The following CELF2 variants were observed in gnomAD, a reference collection of about 807,000 sequenced individuals.
CELF2 encodes the protein CUGBP Elav-like family member 2, also known as CUG triplet repeat RNA-binding protein 2.
CELF2 carries 8 observed loss-of-function variants against 62.6 expected under a neutral mutation model. The ratio of observed to expected loss-of-function variants is 0.13; its 90% confidence interval spans 0.07 to 0.23. CELF2 has a LOEUF of 0.23. CELF2 is among the 10% of genes least tolerant of loss of function. CELF2 has a pLI of 1.00. For synonymous variants in CELF2, 258 were observed against 250.0 expected (o/e 1.03, Z -0.30); for missense variants, 333 against 671.0 (o/e 0.50, Z 5.56).
chr10:11,265,615 G>A (rs1565641920), intron 5 of CELF2, among the ~76,000 whole-genome samples: 1 of 152,246 alleles, frequency 6.6e-6, no homozygotes, highest in Non-Finnish European at 1.5e-5. Context: ...TGAATAAAAT[G>A]TAAATTTGAG....
At chr10:11,106,398 G>A (rs145791648) in intron 1 of CELF2, among the ~76,000 whole-genome samples, 302 of 152,126 alleles carry the variant, frequency 2.0e-3, no homozygotes, top group African/African-American at 6.6e-3. Context: ...CACCGTGCCC[G>A]GCTAATTGTT....
At chr10:11,118,609 T>C (rs2057072530) in intron 1 of CELF2, among the ~76,000 whole-genome samples, 1 of 152,188 alleles carries the variant, frequency 6.6e-6, no homozygotes, top group South Asian at 2.1e-4. Flanking sequence ...CGTAAGGTCA[T>C]AGCTAGTCAG....
At chr10:11,197,127 G>A (rs191925033) in intron 2 of CELF2, among the ~76,000 whole-genome samples, 9 of 152,136 alleles carry the variant, frequency 5.9e-5, no homozygotes, top group Admixed American at 5.9e-4. Context: ...TTCATTGTCT[G>A]CGTTGGTTGA....
Position 11,246,812 on chromosome 10 carries a change from A to G in CELF2, c.355-2341A>G, listed in dbSNP as rs559699743. Reference sequence around the variant, plus strand: ...ATACCTGTGGCTTCACTGTCACGCTAAGGAACATTCTCTGTGGCCCTGGCC... The same window carrying G: ...ATACCTGTGGCTTCACTGTCACGCTGAGGAACATTCTCTGTGGCCCTGGCC... On this transcript the variant is annotated intron_variant, in intron 3 of 12. Coordinates refer to ENST00000633077, the MANE Select transcript of CELF2 (RefSeq NM_001326342.2). This position sits in a 1 kb window ranked among gnomAD's most constrained non-coding sequence, Gnocchi z 4.6. Among the ~76,000 whole-genome samples the G allele has an allele frequency of 1.3e-5, 2 of 152,282 alleles. No homozygotes were observed. The highest frequency in any genetic ancestry group is 3.9e-4 in the East Asian group (2 of 5,180).
chr10:11,160,240 A>G (rs1208922466), intron 1 of CELF2, among the ~76,000 whole-genome samples: 1 of 152,242 alleles, frequency 6.6e-6, no homozygotes, highest in Non-Finnish European at 1.5e-5. Flanking sequence ...CAAGTGAGGA[A>G]ACTGAGGCGC....
chr10:10,513,868 G>A, the CELF2 span, among the ~76,000 whole-genome samples: 1 of 152,122 alleles, frequency 6.6e-6, no homozygotes, highest in Non-Finnish European at 1.5e-5. Flanking sequence ...TCTAAGCAAA[G>A]CCTAGGTTTC....
intron 1 of CELF2, among the ~76,000 whole-genome samples, chr10:11,125,964 G>A (rs556064643): frequency 1.9e-4 from 29 of 152,236 alleles, no homozygotes; most frequent in African/African-American, 5.3e-4. Flanking sequence ...GTCAACACAC[G>A]CTTATAATTT....
chr10:10,569,612 T>C, the CELF2 span, among the ~76,000 whole-genome samples: 1 of 152,156 alleles, frequency 6.6e-6, no homozygotes, highest in Non-Finnish European at 1.5e-5. Context: ...AGTTGGGTTG[T>C]GCAGAAGAAA....
At chr10:10,652,026 A>G in the CELF2 span, among the ~76,000 whole-genome samples, 1 of 150,546 alleles carries the variant, frequency 6.6e-6, no homozygotes, top group Non-Finnish European at 1.5e-5. Flanking sequence ...GAAGTGCTTA[A>G]AGGAGCTGAT....
the CELF2 span, among the ~76,000 whole-genome samples, chr10:10,775,587 CT>C: frequency 2.0e-5 from 3 of 150,592 alleles, no homozygotes; most frequent in African/African-American, 7.3e-5. Flanking sequence ...GATGGTGCCG[CT>C]GCATGACAGA....
chr10:10,657,932 A>G, the CELF2 span, among the ~76,000 whole-genome samples: 4 of 152,204 alleles, frequency 2.6e-5, no homozygotes, highest in African/African-American at 9.6e-5. Context: ...TTGCCCTGTT[A>G]TTAACTTTTA....
the CELF2 span, among the ~76,000 whole-genome samples, chr10:10,780,853 C>A: frequency 3.9e-5 from 6 of 152,224 alleles, no homozygotes; most frequent in Non-Finnish European, 8.8e-5. Context: ...TATTTGACAT[C>A]ATTGTCTAGA....
chr10:10,622,287 C>T, the CELF2 span, among the ~76,000 whole-genome samples: 4 of 152,120 alleles, frequency 2.6e-5, no homozygotes, highest in Non-Finnish European at 4.4e-5. Flanking sequence ...GGATTCATCA[C>T]CTGCAAGGGT....
chr10:10,747,759 T>G, the CELF2 span, among the ~76,000 whole-genome samples: 1 of 152,122 alleles, frequency 6.6e-6, no homozygotes, highest in East Asian at 1.9e-4. Flanking sequence ...CAGGCTGGAG[T>G]GCAGTGGCAC....
chr10:10,889,935 A>G (rs2062014969), intron 1 of CELF2, among the ~76,000 whole-genome samples: 1 of 152,196 alleles, frequency 6.6e-6, no homozygotes, highest in East Asian at 1.9e-4. Context: ...AATGTGGGGC[A>G]TTTACACTAG....
At chr10:11,160,284 G>C (rs893730366) in intron 1 of CELF2, among the ~76,000 whole-genome samples, 1 of 152,324 alleles carries the variant, frequency 6.6e-6, no homozygotes, top group East Asian at 1.9e-4. Context: ...AGATCCTAGA[G>C]TTAAGTGGTT....
Position 11,306,716 on chromosome 10 carries a change from TTCTTAG to T in CELF2, c.977-7419_977-7414del, listed in dbSNP as rs2140328250. Among the ~76,000 whole-genome samples, 1 of 152,262 alleles carries T rather than the reference TTCTTAG, an allele frequency of 6.6e-6. No individual in the cohort carries two copies. Among genetic ancestry groups the T allele is most frequent in the South Asian group, 2.1e-4 (1 of 4,826 alleles). On this transcript the variant is annotated intron_variant, in intron 9 of 12. Coordinates refer to ENST00000633077, the MANE Select transcript of CELF2 (RefSeq NM_001326342.2). The surrounding 1 kb of genome is among the most constrained non-coding windows in gnomAD (Gnocchi z 4.4). ...TTAAGGCAAGTCATCTAGTTAATTTTTCTTAGTCTCATGCTTGATTCTTCTCCCTCC... is the reference window on the plus strand; with the variant it reads ...TTAAGGCAAGTCATCTAGTTAATTTTTCTCATGCTTGATTCTTCTCCCTCC...
chr10:10,525,588 C>G, the CELF2 span, among the ~76,000 whole-genome samples: 2 of 152,302 alleles, frequency 1.3e-5, no homozygotes, highest in East Asian at 3.9e-4. Context: ...TGAGACCATG[C>G]AAAATTTGTC....
chr10:11,335,860 C>G lies in CELF2; in HGVS notation c.*6807C>G, dbSNP rs1264500981. 6.6e-6 allele frequency: 1 copy of G among 152,198 alleles called. No homozygotes were observed. The highest frequency in any genetic ancestry group is 2.4e-5 in the African/African-American group (1 of 41,446). The allele number at this position is 152,198 out of a possible 1,614,324, so 9.4% of individuals were successfully genotyped here. A position where few individuals can be genotyped will look rare whatever the true frequency, so the allele number is the denominator to read the frequency against. On this transcript the variant is annotated 3_prime_UTR_variant, in exon 13 of 13. Coordinates refer to ENST00000633077, the MANE Select transcript of CELF2 (RefSeq NM_001326342.2). The surrounding 1 kb of genome is among the most constrained non-coding windows in gnomAD (Gnocchi z 5.0). ...CATGCTAAGCAAAGGAAGAGAAAGA[C>G]AAAGCCAGTTTTTGTTGCTTTTCTA...
Sources: allele counts gnomAD v4.1 joint callset (sites outside exome capture counted in the v4.1 genomes callset), GRCh38; gene constraint gnomAD v4.1.1; non-coding constraint Gnocchi (gnomAD v3.1); transcripts MANE v1.5; gene names NCBI Gene and HGNC (gene_info 2026-07-23, HGNC 2026-07-21).